C1GALT1: variants seen among roughly 807,000 people sequenced by gnomAD.
C1GALT1 encodes core 1 synthase, glycoprotein-N-acetylgalactosamine 3-beta-galactosyltransferase 1, also known as glycoprotein-N-acetylgalactosamine 3-beta-galactosyltransferase 1.
C1GALT1 carries 11 observed loss-of-function variants against 31.0 expected under a neutral mutation model. The ratio of observed to expected loss-of-function variants is 0.36; its 90% confidence interval spans 0.22 to 0.59. The LOEUF (loss-of-function observed/expected upper bound fraction) is 0.59. Among genes scored for constraint, C1GALT1 ranks in the 20% least tolerant of loss-of-function variants. The pLI is 0.79. For synonymous variants in C1GALT1, 175 were observed against 143.6 expected, an observed-to-expected ratio of 1.22 and a Z score of -1.56; for missense variants, 424 against 425.2, an observed-to-expected ratio of 1.00 and a Z score of 0.03.
chr7:7,227,527 C>T (rs7790391), intron 1 of C1GALT1, among the ~76,000 whole-genome samples: 4,839 of 151,896 alleles, frequency 0.032, 272 homozygotes, highest in African/African-American at 0.11. Context: ...GAGACCATCC[C>T]GGCTAAAACG....
At chr7:7,221,928 A>G (rs1360627630) in intron 1 of C1GALT1, among the ~76,000 whole-genome samples, 1 of 152,166 alleles carries the variant, frequency 6.6e-6, no homozygotes, top group East Asian at 1.9e-4. Flanking sequence ...TTAACCAATG[A>G]CTAATGATAT....
chr7:7,211,174 G>T (rs775943592), intron 1 of C1GALT1, among the ~76,000 whole-genome samples: 2 of 152,112 alleles, frequency 1.3e-5, no homozygotes, highest in Admixed American at 6.5e-5. Context: ...CTAGGTGAGA[G>T]TTACAGTATT....
intron 1 of C1GALT1, among the ~76,000 whole-genome samples, chr7:7,188,591 T>TA (rs59024934): frequency 1.3e-5 from 2 of 151,616 alleles, no homozygotes; most frequent in Non-Finnish European, 2.9e-5. Context: ...GGTTATAAAA[T>TA]AAAAAAAAAT....
intron 1 of C1GALT1, among the ~76,000 whole-genome samples, chr7:7,186,265 A>G (rs1780812882): frequency 6.6e-6 from 1 of 152,242 alleles, no homozygotes; most frequent in Non-Finnish European, 1.5e-5. Context: ...CAATACTGCC[A>G]CAGTGGTGAT....
intron 1 of C1GALT1, among the ~76,000 whole-genome samples, chr7:7,192,143 C>CT (rs111303287): frequency 0.034 from 5,026 of 148,488 alleles, 187 homozygotes; most frequent in African/African-American, 0.093. Context: ...ACTTTTTCTT[C>CT]TTTTTTTTTT....
At chr7:7,241,684 T>C (rs548777138) in intron 3 of C1GALT1, among the ~76,000 whole-genome samples, 58 of 152,060 alleles carry the variant, frequency 3.8e-4, no homozygotes, top group African/African-American at 1.3e-3. Context: ...TGAAAACTTA[T>C]TTGTTTGATT....
Position 7,182,722 on chromosome 7 carries a change from CACT to C in C1GALT1, c.-115_-113del. Reference sequence around the variant, plus strand: ...GCGGCCTCGGCTAGCGGCCACGAGCCACTTCTGCGGCTGCCCAGAGAAGCAAAG... The same window carrying C: ...GCGGCCTCGGCTAGCGGCCACGAGCCTCTGCGGCTGCCCAGAGAAGCAAAG... On this transcript the variant is annotated 5_prime_UTR_variant, in exon 1 of 4. Transcript: ENST00000436587. 5 of 836,486 alleles carry C rather than the reference CACT, an allele frequency of 6.0e-6. No individual in the cohort carries two copies. Among genetic ancestry groups the C allele is most frequent in the Non-Finnish European group, 7.2e-6 (5 of 693,818 alleles). The allele number at this position is 836,486 out of a possible 1,614,324, so 51.8% of individuals were successfully genotyped here. A position where few individuals can be genotyped will look rare whatever the true frequency, so the allele number is the denominator to read the frequency against.
chr7:7,232,781 C>G (rs982232003), intron 1 of C1GALT1, among the ~76,000 whole-genome samples: 54 of 152,156 alleles, frequency 3.5e-4, no homozygotes, highest in Non-Finnish European at 6.6e-4. Context: ...TGAGCCACCA[C>G]GCCCAGCCGG....
intron 1 of C1GALT1, among the ~76,000 whole-genome samples, chr7:7,232,497 GTTTTTT>G (rs72339945): frequency 7.4e-6 from 1 of 134,854 alleles, no homozygotes; most frequent in East Asian, 2.1e-4. Flanking sequence ...TTTTTTTTTT[GTTTTTT>G]TTTTTTTGAG....
At chr7:7,223,925 G>A (rs1782629654) in intron 1 of C1GALT1, among the ~76,000 whole-genome samples, 1 of 152,072 alleles carries the variant, frequency 6.6e-6, no homozygotes, top group Non-Finnish European at 1.5e-5. Context: ...TCTTTATCAA[G>A]TTAAGGAAAT....
Position 7,238,722 on chromosome 7 carries a change from G to T in C1GALT1, c.688G>T (p.Asp230Tyr). The T allele has an allele frequency of 6.2e-7, 1 of 1,613,962 alleles. No individual in the cohort carries two copies. The highest frequency in any genetic ancestry group is 1.1e-5 in the South Asian group (1 of 91,036). Residue 230 changes from aspartate to tyrosine, a missense_variant, in exon 3 of 4, where the codon GAC (aspartate) becomes TAC (tyrosine). Coordinates refer to ENST00000436587, the MANE Select transcript of C1GALT1 (RefSeq NM_020156.5). This position sits in a 1 kb window ranked among gnomAD's most constrained non-coding sequence, Gnocchi z 5.2. The stretch of plus-strand genomic sequence containing the variant: ...AAGATTTGTTGATGCATTTAAAACA[G>T]ACAAGTGTACACATAGTTCCTCCAT... Reference protein sequence around the residue: ...LKRFVDAFKTDKCTHSSSIED... With the variant: ...LKRFVDAFKTYKCTHSSSIED...
At position 7,225,052 on chromosome 7, in the gene C1GALT1, AAT is replaced by A. The variant is rs1427581948; in HGVS notation, c.-17-9249_-17-9248del. On this transcript the variant is annotated intron_variant, in intron 1 of 3. Transcript: ENST00000436587. ...CTGTGTTTAGTTACAAGTGAGAACTAATAAGGTTTTCTGTCCTGTGTTAGTTC... is the reference window on the plus strand; with the variant it reads ...CTGTGTTTAGTTACAAGTGAGAACTAAAGGTTTTCTGTCCTGTGTTAGTTC... Among the ~76,000 whole-genome samples, 4 of 147,348 alleles carry A rather than the reference AAT, an allele frequency of 2.7e-5. No individual in the cohort carries two copies. The South Asian group carries it at 6.3e-4, about 23-fold the overall frequency.
rs1783781357 is a variant in C1GALT1 at position 7,244,867 on chromosome 7, A to G, written c.*1140A>G. 1 of 152,236 alleles carries G rather than the reference A, an allele frequency of 6.6e-6. No homozygotes were observed. The highest frequency in any genetic ancestry group is 1.5e-5 in the Non-Finnish European group (1 of 68,032). The allele number at this position is 152,236 out of a possible 1,614,324, so 9.4% of individuals were successfully genotyped here. ...TAGAGTGCTTAAACAAAAATGTTAT[A>G]TTTTGAAAGAGTAGATACTTAATTT... On this transcript the variant is annotated 3_prime_UTR_variant, in exon 4 of 4. Transcript: ENST00000436587.
intron 1 of C1GALT1, among the ~76,000 whole-genome samples, chr7:7,183,331 C>T (rs925491727): frequency 2.6e-5 from 4 of 152,098 alleles, no homozygotes; most frequent in African/African-American, 7.2e-5. Flanking sequence ...GCCGCCTGAG[C>T]GCCCAGCGAG....
intron 1 of C1GALT1, among the ~76,000 whole-genome samples, chr7:7,194,499 TC>T (rs1781204369): frequency 6.6e-6 from 1 of 152,088 alleles, no homozygotes; most frequent in Non-Finnish European, 1.5e-5. Context: ...TGTTAAACCA[TC>T]CCTGCACGCC....
chr7:7,168,730 A>G (rs1780423209), intron 2 of C1GALT1, among the ~76,000 whole-genome samples: 1 of 152,228 alleles, frequency 6.6e-6, no homozygotes, highest in Non-Finnish European at 1.5e-5. Context: ...CTGTAAGAAT[A>G]TTGTCTACCT....
At chr7:7,216,424 C>G (rs1483955021) in intron 1 of C1GALT1, among the ~76,000 whole-genome samples, 2 of 152,086 alleles carry the variant, frequency 1.3e-5, no homozygotes, top group African/African-American at 2.4e-5. Flanking sequence ...ACCCAAGCAG[C>G]CTTAGCTTAT....
At chr7:7,186,937 G>T (rs6967880) in intron 1 of C1GALT1, among the ~76,000 whole-genome samples, 1 of 152,082 alleles carries the variant, frequency 6.6e-6, no homozygotes, top group African/African-American at 2.4e-5. Flanking sequence ...TAGGAAGACG[G>T]GAGGGTTTTG....
intron 3 of C1GALT1, among the ~76,000 whole-genome samples, chr7:7,240,443 C>T (rs1783573908): frequency 6.6e-6 from 1 of 152,062 alleles, no homozygotes; most frequent in Admixed American, 6.6e-5. Context: ...ACTTTGGATG[C>T]TTTTTTGATG....
Sources: allele counts gnomAD v4.1 joint callset (sites outside exome capture counted in the v4.1 genomes callset), GRCh38; gene constraint gnomAD v4.1.1; non-coding constraint Gnocchi (gnomAD v3.1); transcripts MANE v1.5; gene names NCBI Gene and HGNC (gene_info 2026-07-23, HGNC 2026-07-21).